Variants in SPATA13 observed in about 807,000 individuals in gnomAD.
SPATA13 encodes the protein spermatogenesis-associated protein 13.
Under a neutral mutation model 104.0 loss-of-function variants are expected in SPATA13, and 50 were observed. The ratio of observed to expected loss-of-function variants is 0.48; its 90% CI spans 0.38 to 0.61. The LOEUF (loss-of-function observed/expected upper bound fraction) is 0.61. SPATA13 is among the 20% of genes least tolerant of loss of function. The pLI is 0.00. For synonymous variants in SPATA13, 606 were observed against 667.5 expected, an observed-to-expected ratio of 0.91 and a Z score of 1.42; for missense variants, 1,524 against 1,690.6, an observed-to-expected ratio of 0.90 and a Z score of 1.73.
In SPATA13 at chr13:24,001,402, GGGTGTGAGAGAGGTGA is replaced by G. The variant is rs1163030777; in HGVS notation, c.-146-16251_-146-16236del. Among the ~76,000 whole-genome samples, 54 of 152,192 alleles carry G rather than the reference GGGTGTGAGAGAGGTGA, an allele frequency of 3.5e-4. No homozygotes were observed. In the East Asian group the frequency reaches 8.9e-3, roughly 25 times the overall value. ...GGACACCTGCTTCTTCTGAGAAGGA[GGGTGTGAGAGAGGTGA>G]GGTGTGAGAGAGGGTGGGGTTCGGT... On this transcript the variant is annotated intron_variant, in intron 2 of 14. Transcript: ENST00000424834.
intron 3 of SPATA13, among the ~76,000 whole-genome samples, chr13:24,139,482 A>G (rs1881681969): frequency 6.6e-6 from 1 of 152,208 alleles, no homozygotes; most frequent in African/African-American, 2.4e-5. Context: ...CTGGCAGGTG[A>G]CTGGTACAAT....
At chr13:24,096,003 G>A (rs1488034647) in intron 3 of SPATA13, among the ~76,000 whole-genome samples, 1 of 152,206 alleles carries the variant, frequency 6.6e-6, no homozygotes, top group Admixed American at 6.5e-5. Context: ...ACCTGCCTCT[G>A]AGAGGCTGCC....
At chr13:24,280,428 C>T (rs540015603) in intron 4 of SPATA13, among the ~76,000 whole-genome samples, 84 of 151,672 alleles carry the variant, frequency 5.5e-4, no homozygotes, top group South Asian at 1.9e-3. Flanking sequence ...GAGGAGAAAG[C>T]GTCATTTTTC....
chr13:23,981,800 A>G (rs1477248490), intron 1 of SPATA13, among the ~76,000 whole-genome samples: 5 of 152,250 alleles, frequency 3.3e-5, no homozygotes, highest in Non-Finnish European at 2.9e-5. Flanking sequence ...CCCTTTGATC[A>G]TTAAATCCTC....
chr13:24,022,977 A>T (rs748089974), intron 3 of SPATA13, among the ~76,000 whole-genome samples: 201 of 152,172 alleles, frequency 1.3e-3, no homozygotes, highest in Non-Finnish European at 2.4e-3. Context: ...TCTAGGGTAC[A>T]TGTGCACAGC....
At chr13:24,194,639 C>T (rs1869948716) in intron 1 of SPATA13, among the ~76,000 whole-genome samples, 2 of 152,300 alleles carry the variant, frequency 1.3e-5, no homozygotes, top group East Asian at 1.9e-4. Flanking sequence ...ATTCACCACT[C>T]ACCGACTGGT....
intron 1 of SPATA13, among the ~76,000 whole-genome samples, chr13:24,166,698 C>T (rs1400342074): frequency 3.3e-5 from 5 of 152,132 alleles, no homozygotes. Flanking sequence ...ATGCCTTCTA[C>T]ATGTTTTTCA....
At chr13:23,992,443 C>T (rs961320929) in intron 2 of SPATA13, among the ~76,000 whole-genome samples, 1 of 152,178 alleles carries the variant, frequency 6.6e-6, no homozygotes, top group African/African-American at 2.4e-5. Context: ...CAGACCATTG[C>T]AGGTGTGTCT....
At chr13:24,122,482 T>C in intron 3 of SPATA13, 1 of 1,608,310 alleles carries the variant, frequency 6.2e-7, no homozygotes, top group South Asian at 1.1e-5. Flanking sequence ...AATCTCCAAA[T>C]ATTCTTGCCC....
intron 3 of SPATA13, among the ~76,000 whole-genome samples, chr13:24,024,868 G>T (rs1877135733): frequency 6.6e-6 from 1 of 151,052 alleles, no homozygotes; most frequent in South Asian, 2.1e-4. Context: ...TTCCAGCCCT[G>T]GGTAACATAG....
At chr13:24,177,338 C>A (rs369124141) in intron 1 of SPATA13, among the ~76,000 whole-genome samples, 1 of 152,206 alleles carries the variant, frequency 6.6e-6, no homozygotes, top group African/African-American at 2.4e-5. Context: ...TTATTTCTTA[C>A]AGCTCTGGAG....
At chr13:24,068,103 C>T (rs1051793938) in intron 3 of SPATA13, among the ~76,000 whole-genome samples, 1 of 152,150 alleles carries the variant, frequency 6.6e-6, no homozygotes, top group East Asian at 1.9e-4. Flanking sequence ...TATTTCATCA[C>T]CCAAGCATTA....
intron 4 of SPATA13, among the ~76,000 whole-genome samples, chr13:24,274,669 T>A (rs2138704028): frequency 6.6e-6 from 1 of 152,364 alleles, no homozygotes; most frequent in Non-Finnish European, 1.5e-5. Context: ...TTTCTGTTTT[T>A]AAGATGGGAA....
intron 1 of SPATA13, among the ~76,000 whole-genome samples, chr13:24,197,571 T>G (rs1054358284): frequency 1.3e-5 from 2 of 152,172 alleles, no homozygotes; most frequent in Non-Finnish European, 2.9e-5. Flanking sequence ...TTCTGAAAGA[T>G]AGAAATAATT....
intron 2 of SPATA13, among the ~76,000 whole-genome samples, chr13:24,015,449 C>T (rs568542745): frequency 6.6e-5 from 10 of 152,280 alleles, no homozygotes; most frequent in African/African-American, 1.2e-4. Flanking sequence ...AAACTAATTT[C>T]GGGGACAGCC....
chr13:24,217,729 C>T (rs1871335776), intron 1 of SPATA13, among the ~76,000 whole-genome samples: 1 of 152,174 alleles, frequency 6.6e-6, no homozygotes, highest in African/African-American at 2.4e-5. Flanking sequence ...GAGTGGTAAA[C>T]AAGAGGGCGT....
At chr13:23,998,929 T>TG (rs1875819276) in intron 2 of SPATA13, among the ~76,000 whole-genome samples, 1 of 147,866 alleles carries the variant, frequency 6.8e-6, no homozygotes, top group African/African-American at 2.5e-5. Flanking sequence ...CTAACTTTGG[T>TG]TTTTTTTTTT....
intron 2 of SPATA13, among the ~76,000 whole-genome samples, chr13:24,004,772 T>A (rs9510988): frequency 0.24 from 36,672 of 151,850 alleles, 5,483 homozygotes; most frequent in Non-Finnish European, 0.32. Context: ...TGTGGGAGAG[T>A]CTACAGTGAC....
At chr13:24,027,028 A>C (rs1213568490) in intron 3 of SPATA13, among the ~76,000 whole-genome samples, 1 of 152,032 alleles carries the variant, frequency 6.6e-6, no homozygotes, top group Non-Finnish European at 1.5e-5. Context: ...TGTATTTTTA[A>C]ATATATAGTA....
Sources: allele counts gnomAD v4.1 joint callset (sites outside exome capture counted in the v4.1 genomes callset), GRCh38; gene constraint gnomAD v4.1.1; transcripts MANE v1.5; gene names NCBI Gene and HGNC (gene_info 2026-07-23, HGNC 2026-07-21).